FRY: variants seen among roughly 807,000 people sequenced by gnomAD.
FRY encodes protein furry homolog.
In FRY, 128 loss-of-function variants were observed where a neutral mutation model predicts 348.4. The ratio of observed to expected loss-of-function variants is 0.37; its 90% CI spans 0.32 to 0.43. The LOEUF (loss-of-function observed/expected upper bound fraction) is 0.43. Ranked by LOEUF, FRY falls within the 20% of genes least tolerant of loss-of-function variation. The pLI, the probability that FRY is intolerant of heterozygous loss-of-function variation, is 1.00. For synonymous variants in FRY, 1,370 were observed against 1,374.7 expected, an observed-to-expected ratio of 1.00 and a Z score of 0.08; for missense variants, 2,736 against 3,695.2, an observed-to-expected ratio of 0.74 and a Z score of 6.73.
At position 32,161,305 on chromosome 13, in the gene FRY, C is replaced by A. The variant is rs531192339; in HGVS notation, c.1892+54C>A. ...TAATTTCGATCCTTTGTTGTGACTC[C>A]TGAAAAAAAAATAGAATGGTAGTTT... is the stretch of plus-strand genomic sequence containing the variant. On this transcript the variant is annotated intron_variant, in intron 17 of 60. Coordinates refer to ENST00000542859, the MANE Select transcript of FRY (RefSeq NM_023037.3). 16 of 1,050,606 alleles carry A rather than the reference C, an allele frequency of 1.5e-5. No homozygotes were observed. The South Asian group carries it at 1.8e-4, about 12-fold the overall frequency. 65.1% of individuals were successfully genotyped at this position (1,050,606 alleles called of 1,614,324 possible). A position where few individuals can be genotyped will look rare whatever the true frequency, so the allele number is the denominator to read the frequency against.
chr13:32,183,150 G>A (rs1882809603), intron 24 of FRY, 116 bp downstream of exon 24: 1 of 619,880 alleles, frequency 1.6e-6, no homozygotes, highest in Non-Finnish European at 2.9e-6. Context: ...TTTAACAAAT[G>A]AATCTTTATA....
At chr13:32,143,922 A>T (rs1880237265) in intron 11 of FRY, among the ~76,000 whole-genome samples, 1 of 152,152 alleles carries the variant, frequency 6.6e-6, no homozygotes, top group Non-Finnish European at 1.5e-5. Flanking sequence ...GGAAAATCAG[A>T]CCCAGAAAGA....
intron 40 of FRY, among the ~76,000 whole-genome samples, chr13:32,229,138 A>G (rs536744687): frequency 6.6e-6 from 1 of 152,356 alleles, no homozygotes; most frequent in Admixed American, 6.5e-5. Context: ...CAGAAACCAG[A>G]AACAATAGGA....
Position 32,184,701 on chromosome 13 carries a change from GA to G in FRY, c.3146+12del. 7.0e-7 allele frequency: 1 copy of G among 1,430,174 alleles called. No individual in the cohort carries two copies. Among genetic ancestry groups the G allele is most frequent in the East Asian group, 2.3e-5 (1 of 43,860 alleles). 88.6% of individuals were successfully genotyped at this position (1,430,174 alleles called of 1,614,324 possible). A position where few individuals can be genotyped will look rare whatever the true frequency, so the allele number is the denominator to read the frequency against. ...GTGTAATAAGTGACAGGTAGGATCA[GA>G]ATTCTACCGAGTTGCTCTCTTCTCA... is the stretch of plus-strand genomic sequence containing the variant. On this transcript the variant is annotated intron_variant, in intron 25 of 60. Coordinates refer to ENST00000542859, the MANE Select transcript of FRY (RefSeq NM_023037.3).
chr13:32,265,853 G>A (rs56404467), intron 54 of FRY, among the ~76,000 whole-genome samples: 2,009 of 152,258 alleles, frequency 0.013, 29 homozygotes, highest in South Asian at 0.023. Flanking sequence ...AGAAAGCAAC[G>A]TAAAAAGCAA....
At chr13:32,275,151 G>A in intron 56 of FRY, 160 bp downstream of exon 56, 1 of 638,790 alleles carries the variant, frequency 1.6e-6, no homozygotes, top group Non-Finnish European at 2.9e-6. Flanking sequence ...GGCCGAGGTG[G>A]GCGGATCACA....
At chr13:32,285,771 T>C (rs559126864) in intron 58 of FRY, among the ~76,000 whole-genome samples, 8 of 152,236 alleles carry the variant, frequency 5.3e-5, no homozygotes, top group Non-Finnish European at 8.8e-5. Context: ...TCAGTCATAT[T>C]TGATGTTGTC....
chr13:32,059,567 G>T (rs1042289473), intron 1 of FRY, among the ~76,000 whole-genome samples: 2 of 151,496 alleles, frequency 1.3e-5, no homozygotes, highest in Admixed American at 6.6e-5. Flanking sequence ...ATAGATTTAG[G>T]GGTGCACGTG....
At chr13:32,240,816 T>G (rs184155953) in intron 46 of FRY, among the ~76,000 whole-genome samples, 12 of 152,368 alleles carry the variant, frequency 7.9e-5, no homozygotes, top group Admixed American at 7.2e-4. Flanking sequence ...GTTTTTCTTT[T>G]ATTTATATCA....
chr13:32,045,716 T>C (rs1009718471), intron 1 of FRY, among the ~76,000 whole-genome samples: 2 of 152,278 alleles, frequency 1.3e-5, no homozygotes, highest in African/African-American at 4.8e-5. Flanking sequence ...TAAATACCAG[T>C]GATATCATTG....
chr13:32,254,268 G>A lies in FRY; in HGVS notation c.7290G>A (p.Gln2430=), dbSNP rs1566171580. The A allele has an allele frequency of 2.5e-6, 4 of 1,614,074 alleles. No individual in the cohort carries two copies. Among genetic ancestry groups the A allele is most frequent in the Non-Finnish European group, 3.4e-6 (4 of 1,179,984 alleles). The change falls in exon 51 of 61, where the codon CAG becomes CAA. Residue 2430 remains glutamine (Q), a synonymous_variant. Coordinates refer to ENST00000542859, the MANE Select transcript of FRY (RefSeq NM_023037.3). The part of the protein sequence containing the change: ...SCGDLDLLEH[Q]TSLVSSEDGA... ...GGGATCTGGATCTGCTTGAGCACCA[G>A]ACAAGCTTGGTATCTTCTGAGGACG...
intron 2 of FRY, among the ~76,000 whole-genome samples, chr13:32,093,556 C>T (rs1192265513): frequency 6.6e-6 from 1 of 152,154 alleles, no homozygotes; most frequent in Non-Finnish European, 1.5e-5. Flanking sequence ...GATAGAAAGG[C>T]CTGGTTAGAT....
At chr13:32,136,766 A>G in intron 10 of FRY, 105 bp from the exon 11 acceptor site, 1 of 795,266 alleles carries the variant, frequency 1.3e-6, no homozygotes, top group Non-Finnish European at 2.3e-6. Context: ...TTTCTTGCCC[A>G]CAGGGCCCCC....
Position 32,234,749 on chromosome 13 carries a change from A to T in FRY, c.5703A>T (p.Gly1901=), listed in dbSNP as rs1242241102. The T allele has an allele frequency of 6.2e-7, 1 of 1,613,898 alleles. No individual in the cohort carries two copies. The highest frequency in any genetic ancestry group is 1.3e-5 in the African/African-American group (1 of 74,930). Residue 1901 remains glycine, a synonymous_variant, in exon 42 of 61, where the codon GGA becomes GGT. Coordinates refer to ENST00000542859, the MANE Select transcript of FRY (RefSeq NM_023037.3). The part of the protein sequence containing the change: ...SRLVEVIGEH[G]DEIQGYVMEA... ...TGGTGGAGGTGATAGGAGAACATGGAGATGAGATTCAGGTATGGAAGGGAA... is the reference window on the plus strand; with the variant it reads ...TGGTGGAGGTGATAGGAGAACATGGTGATGAGATTCAGGTATGGAAGGGAA...
At chr13:32,040,438 G>A (rs1872704630) in intron 1 of FRY, among the ~76,000 whole-genome samples, 2 of 152,164 alleles carry the variant, frequency 1.3e-5, no homozygotes, top group African/African-American at 4.8e-5. Flanking sequence ...TGAGGTTTCG[G>A]TAAACATCAT....
intron 2 of FRY, among the ~76,000 whole-genome samples, chr13:32,089,774 A>G (rs1566064571): frequency 6.6e-6 from 1 of 151,736 alleles, no homozygotes; most frequent in Non-Finnish European, 1.5e-5. Flanking sequence ...AAAAAGAAAA[A>G]AAGAAGAAGG....
chr13:32,193,996 G>T, intron 28 of FRY, 147 bp from the exon 29 acceptor site: 1 of 759,096 alleles, frequency 1.3e-6, no homozygotes, highest in East Asian at 2.6e-5. Context: ...TTATACTCTT[G>T]AAGAATATAT....
rs565008271 is a variant in FRY, at chr13:32,287,037, C to T, written c.8470-2596C>T. 8.7e-4 allele frequency among the ~76,000 whole-genome samples: 132 copies of T among 151,002 alleles called. 3 individuals are homozygous for T. The South Asian group carries it at 0.025, about 29-fold the overall frequency. ...AAAATTAGCCAGGCGTGGTGGCACG[C>T]GCTTGTAATCCCAGCTACTCAGGAG... On this transcript the variant is annotated intron_variant, in intron 58 of 60. Transcript: ENST00000542859.
rs1452327035 is a variant in FRY, at chr13:32,296,343, A to C, written c.*883A>C. The C allele has an allele frequency of 6.6e-6, 1 of 152,618 alleles. No homozygotes were observed. The highest frequency in any genetic ancestry group is 1.5e-5 in the Non-Finnish European group (1 of 68,032). The allele number at this position is 152,618 out of a possible 1,614,324, so 9.5% of individuals were successfully genotyped here. ...CATGCATATTTTAATATCTGTTTGG[A>C]TAGTCAGAAGTAGAATCATAAAGGT... On this transcript the variant is annotated 3_prime_UTR_variant, in exon 61 of 61. Transcript: ENST00000542859.
Sources: allele counts gnomAD v4.1 joint callset (sites outside exome capture counted in the v4.1 genomes callset), GRCh38; gene constraint gnomAD v4.1.1; transcripts MANE v1.5; gene names NCBI Gene and HGNC (gene_info 2026-07-23, HGNC 2026-07-21).